The following ZDHHC17 variants were observed in gnomAD, a reference collection of about 807,000 sequenced individuals.
ZDHHC17 encodes the protein palmitoyltransferase ZDHHC17.
Under a neutral mutation model 90.3 loss-of-function variants are expected in ZDHHC17, and 40 were observed. The observed-to-expected ratio is 0.44, with a 90% CI of 0.34 to 0.58. ZDHHC17 has a LOEUF of 0.58. Among genes scored for constraint, ZDHHC17 ranks in the 20% least tolerant of loss-of-function variants. ZDHHC17 has a pLI of 0.01. For synonymous variants in ZDHHC17, 235 were observed against 252.4 expected (o/e 0.93, Z 0.65); for missense variants, 614 against 780.8 (o/e 0.79, Z 2.55).
Position 76,815,224 on chromosome 12 carries a change from A to G in ZDHHC17, c.608+14A>G. 1 of 1,535,960 alleles carries G rather than the reference A, an allele frequency of 6.5e-7. No homozygotes were observed. Among genetic ancestry groups the G allele is most frequent in the African/African-American group, 1.4e-5 (1 of 72,968 alleles). Reference sequence around the variant, plus strand: ...TAGAACACATAGGTATGTAATGACTATAAAAAACTTATTTAGGCCATTTCA... The same window carrying G: ...TAGAACACATAGGTATGTAATGACTGTAAAAAACTTATTTAGGCCATTTCA... On this transcript the variant is annotated intron_variant, in intron 6 of 16. Transcript: ENST00000426126.
rs142584985 is a variant in ZDHHC17, at chr12:76,832,687, G to A, written c.1141+4197G>A. 1.3e-5 allele frequency among the ~76,000 whole-genome samples: 2 copies of A among 152,288 alleles called. 1 individual carries two copies. Among genetic ancestry groups the A allele is most frequent in the African/African-American group, 4.8e-5 (2 of 41,566 alleles). ...CTAACACATGTATTTTTTCTGTAAA[G>A]CACATCACAGCCTCCTTGTGCTTAA... On this transcript the variant is annotated intron_variant, in intron 10 of 16. Coordinates refer to ENST00000426126, the MANE Select transcript of ZDHHC17 (RefSeq NM_015336.4).
chr12:76,849,449 C>T lies in ZDHHC17; in HGVS notation c.1739C>T (p.Thr580Met), dbSNP rs1398356742. 7.8e-6 allele frequency: 12 copies of T among 1,547,184 alleles called. No homozygotes were observed. Among genetic ancestry groups the T allele is most frequent in the African/African-American group, 1.4e-5 (1 of 72,296 alleles). ...RRYKHFKVTT[T>M]SIESPFNHGC... is the part of the protein sequence containing the mutation. ...TACAAGCACTTTAAAGTCACAACAA[C>T]GTCTATTGAAAGCCCATTCAAGTAT... The change falls in exon 16 of 17, where the codon ACG becomes ATG. Residue 580 changes from threonine to methionine, a missense_variant. By Grantham distance (81) the Thr-to-Met change is moderately conservative. This residue lies in a region of ZDHHC17 where 111 missense variants were observed against 179.8 expected (regional missense o/e 0.62). Coordinates refer to ENST00000426126, the MANE Select transcript of ZDHHC17 (RefSeq NM_015336.4).
At chr12:76,821,267 G>A (rs189313703) in intron 7 of ZDHHC17, 441 of 441,038 alleles carry the variant, frequency 1.0e-3, no homozygotes, top group African/African-American at 8.5e-3. Flanking sequence ...ATCCCTATTT[G>A]TGGAAGACTC....
chr12:76,814,883 T>C (rs1172114043), intron 5 of ZDHHC17, among the ~76,000 whole-genome samples: 1 of 151,964 alleles, frequency 6.6e-6, no homozygotes, highest in Non-Finnish European at 1.5e-5. Flanking sequence ...TCAGAATAGG[T>C]TAAGAATTTT....
intron 1 of ZDHHC17, among the ~76,000 whole-genome samples, chr12:76,778,374 C>T (rs1460363501): frequency 1.3e-5 from 2 of 152,130 alleles, no homozygotes; most frequent in African/African-American, 4.8e-5. Flanking sequence ...CATGCACCAC[C>T]ACACCCAGCG....
intron 2 of ZDHHC17, 53 bp downstream of exon 2, chr12:76,797,590 A>G (rs1488247978): frequency 4.5e-6 from 6 of 1,341,068 alleles, no homozygotes; most frequent in Non-Finnish European, 4.1e-6. Context: ...CAAGTGAAAT[A>G]TGAATCTGAA....
chr12:76,809,656 G>T, intron 4 of ZDHHC17, 57 bp from the exon 5 acceptor site: 1 of 1,325,504 alleles, frequency 7.5e-7, no homozygotes, highest in Non-Finnish European at 9.8e-7. Flanking sequence ...GCTCTTCCCA[G>T]AGGATCCTGT....
At chr12:76,778,751 TG>T (rs1315575124) in intron 1 of ZDHHC17, among the ~76,000 whole-genome samples, 2 of 152,232 alleles carry the variant, frequency 1.3e-5, no homozygotes, top group African/African-American at 4.8e-5. Context: ...GCCATTTGTA[TG>T]TCTTGTTTGG....
At chr12:76,806,588 T>G (rs1447466284) in intron 3 of ZDHHC17, among the ~76,000 whole-genome samples, 1 of 152,230 alleles carries the variant, frequency 6.6e-6, no homozygotes, top group Non-Finnish European at 1.5e-5. Context: ...TTCATCAGGC[T>G]GGTCTCGAAC....
chr12:76,819,430 G>A (rs1005841735), intron 7 of ZDHHC17, among the ~76,000 whole-genome samples: 1 of 152,058 alleles, frequency 6.6e-6, no homozygotes, highest in Non-Finnish European at 1.5e-5. Context: ...GGATTGTAAC[G>A]ATAAGATGCA....
chr12:76,819,135 G>A (rs1477745), intron 7 of ZDHHC17, among the ~76,000 whole-genome samples: 13,146 of 152,222 alleles, frequency 0.086, 811 homozygotes, highest in Admixed American at 0.17. Flanking sequence ...GGGTAACTGA[G>A]CGTCTTGTGA....
At chr12:76,783,708 T>G (rs1042908879) in intron 1 of ZDHHC17, among the ~76,000 whole-genome samples, 6 of 152,268 alleles carry the variant, frequency 3.9e-5, no homozygotes, top group African/African-American at 1.2e-4. Context: ...CTCTGGAACC[T>G]ATAAATGTTA....
chr12:76,846,045 A>AT (rs138413326), intron 13 of ZDHHC17, among the ~76,000 whole-genome samples: 2 of 150,914 alleles, frequency 1.3e-5, no homozygotes, highest in African/African-American at 2.4e-5. Flanking sequence ...AGGAGGCAAA[A>AT]TTTTTTTTTT....
At chr12:76,838,334 G>T (rs1181684936) in intron 10 of ZDHHC17, among the ~76,000 whole-genome samples, 1 of 152,210 alleles carries the variant, frequency 6.6e-6, no homozygotes. Flanking sequence ...TAGCATAGTT[G>T]TTATGCCATT....
chr12:76,846,260 G>A (rs752388092), intron 13 of ZDHHC17: 2 of 271,156 alleles, frequency 7.4e-6, no homozygotes, highest in Non-Finnish European at 1.4e-5. Context: ...CTCTGTTGAA[G>A]AGAAACCTTT....
At chr12:76,778,578 C>A (rs937617079) in intron 1 of ZDHHC17, among the ~76,000 whole-genome samples, 1 of 152,122 alleles carries the variant, frequency 6.6e-6, no homozygotes, top group East Asian at 1.9e-4. Context: ...AGATAACTTA[C>A]GTTAGATCTA....
At position 76,837,293 on chromosome 12, in the gene ZDHHC17, A is replaced by G. The variant is rs1481281159; in HGVS notation, c.1142-4689A>G. On this transcript the variant is annotated intron_variant, in intron 10 of 16. Coordinates refer to ENST00000426126, the MANE Select transcript of ZDHHC17 (RefSeq NM_015336.4). ...TAGGATTACAGGCATGTGCCACCACACCTGGCTATTTTCTATTTTTAGTAG... is the reference window on the plus strand; with the variant it reads ...TAGGATTACAGGCATGTGCCACCACGCCTGGCTATTTTCTATTTTTAGTAG... Among the ~76,000 whole-genome samples, 3 of 152,114 alleles carry G rather than the reference A, an allele frequency of 2.0e-5. No individual in the cohort carries two copies. The East Asian group carries it at 5.8e-4, about 29-fold the overall frequency.
intron 1 of ZDHHC17, among the ~76,000 whole-genome samples, chr12:76,772,901 G>A (rs1952512829): frequency 6.6e-6 from 1 of 151,602 alleles, no homozygotes; most frequent in Admixed American, 6.6e-5. Flanking sequence ...TTGTTGCCCA[G>A]GCTGGAGTGC....
intron 3 of ZDHHC17, among the ~76,000 whole-genome samples, chr12:76,808,383 C>T (rs1456342745): frequency 6.6e-6 from 1 of 152,136 alleles, no homozygotes; most frequent in Non-Finnish European, 1.5e-5. Flanking sequence ...GTAATCCCAG[C>T]ACTTTGGGAG....
Sources: allele counts gnomAD v4.1 joint callset (sites outside exome capture counted in the v4.1 genomes callset), GRCh38; gene constraint gnomAD v4.1.1; regional missense constraint gnomAD v4.1.1; transcripts MANE v1.5; gene names NCBI Gene and HGNC (gene_info 2026-07-23, HGNC 2026-07-21).